SLC35D4: variants seen among roughly 807,000 people sequenced by gnomAD.
SLC35D4 encodes the protein solute carrier family 35 member D4.
chr18:23,437,933 AGCGGCAGCGGCAG>A, the SLC35D4 span: 5 of 1,443,488 alleles, frequency 3.5e-6, no homozygotes, highest in Non-Finnish European at 3.8e-6. Flanking sequence ...CAGCAGCAGC[AGCGGCAGCGGCAG>A]CAGCCGCCCA....
chr18:23,364,015 C>T, the SLC35D4 span, among the ~76,000 whole-genome samples: 2 of 152,258 alleles, frequency 1.3e-5, no homozygotes, highest in Non-Finnish European at 2.9e-5. Flanking sequence ...GTTATCCTTA[C>T]GAGACATGGA....
the SLC35D4 span, among the ~76,000 whole-genome samples, chr18:23,394,597 T>C: frequency 6.6e-6 from 1 of 152,220 alleles, no homozygotes; most frequent in Non-Finnish European, 1.5e-5. Context: ...CTGCTGCCTG[T>C]GCCTTTGGTG....
At chr18:23,340,738 G>C in the SLC35D4 span, among the ~76,000 whole-genome samples, 5 of 152,194 alleles carry the variant, frequency 3.3e-5, no homozygotes, top group Non-Finnish European at 7.3e-5. Context: ...TTTAAAGGAA[G>C]AAAGTGATCT....
At chr18:23,419,441 T>C in the SLC35D4 span, among the ~76,000 whole-genome samples, 1 of 152,076 alleles carries the variant, frequency 6.6e-6, no homozygotes. Flanking sequence ...TACAGGTATG[T>C]GCCACCACGC....
the SLC35D4 span, among the ~76,000 whole-genome samples, chr18:23,374,457 A>G: frequency 6.6e-6 from 1 of 151,906 alleles, no homozygotes; most frequent in Admixed American, 6.5e-5. Flanking sequence ...ACTGTTCTAG[A>G]TTAAAGGGTA....
the SLC35D4 span, among the ~76,000 whole-genome samples, chr18:23,370,433 G>A: frequency 1.3e-5 from 2 of 152,122 alleles, no homozygotes; most frequent in Non-Finnish European, 2.9e-5. Context: ...TCAACATTTG[G>A]AAGGCTTCAA....
chr18:23,349,696 T>A, the SLC35D4 span, among the ~76,000 whole-genome samples: 1 of 152,368 alleles, frequency 6.6e-6, no homozygotes, highest in East Asian at 1.9e-4. Flanking sequence ...TTGCTTTACC[T>A]TCTTATAAGT....
chr18:23,245,734 C>G, the SLC35D4 span, among the ~76,000 whole-genome samples: 3 of 152,346 alleles, frequency 2.0e-5, no homozygotes, highest in Non-Finnish European at 4.4e-5. Flanking sequence ...TTCCATCTGA[C>G]CTTCTCCTTT....
the SLC35D4 span, among the ~76,000 whole-genome samples, chr18:23,249,125 G>T: frequency 6.6e-6 from 1 of 152,246 alleles, no homozygotes; most frequent in African/African-American, 2.4e-5. Flanking sequence ...GAGCCTCTTG[G>T]CAGCAGAAAC....
At chr18:23,311,373 G>C in the SLC35D4 span, among the ~76,000 whole-genome samples, 1 of 150,142 alleles carries the variant, frequency 6.7e-6, no homozygotes, top group African/African-American at 2.5e-5. Flanking sequence ...AATTATAGGC[G>C]TGAGCCACCG....
chr18:23,411,500 AG>A, the SLC35D4 span, among the ~76,000 whole-genome samples: 1 of 139,438 alleles, frequency 7.2e-6, no homozygotes, highest in East Asian at 2.1e-4. Context: ...AAAGAAAGAA[AG>A]AAAGAAAGAA....
At chr18:23,404,706 C>T in the SLC35D4 span, among the ~76,000 whole-genome samples, 15 of 148,444 alleles carry the variant, frequency 1.0e-4, no homozygotes, top group Non-Finnish European at 1.3e-4. Flanking sequence ...AGGCCAGGCA[C>T]GGTGGCTCAC....
chr18:23,309,207 C>T, the SLC35D4 span, among the ~76,000 whole-genome samples: 1 of 142,120 alleles, frequency 7.0e-6, no homozygotes, highest in Admixed American at 7.2e-5. Flanking sequence ...GGATCTGGAA[C>T]CTGTTCATGC....
At chr18:23,428,335 C>T in the SLC35D4 span, among the ~76,000 whole-genome samples, 17 of 151,920 alleles carry the variant, frequency 1.1e-4, no homozygotes, top group Admixed American at 5.3e-4. Flanking sequence ...AAAAATTATA[C>T]GACAAAACAA....
chr18:23,351,366 C>T, the SLC35D4 span, among the ~76,000 whole-genome samples: 1 of 152,002 alleles, frequency 6.6e-6, no homozygotes, highest in African/African-American at 2.4e-5. Flanking sequence ...GAGATCATGC[C>T]ACTGCACTCC....
the SLC35D4 span, chr18:23,252,889 G>A: frequency 2.6e-5 from 27 of 1,020,674 alleles, no homozygotes; most frequent in African/African-American, 1.7e-4. Flanking sequence ...TAAGTTGGTC[G>A]TAGTTGGTGC....
the SLC35D4 span, among the ~76,000 whole-genome samples, chr18:23,273,975 C>T: frequency 6.6e-6 from 1 of 152,036 alleles, no homozygotes; most frequent in Non-Finnish European, 1.5e-5. Flanking sequence ...CTCTGTTACC[C>T]AGGCCAGAGT....
the SLC35D4 span, among the ~76,000 whole-genome samples, chr18:23,273,799 A>C: frequency 6.6e-6 from 1 of 152,162 alleles, no homozygotes; most frequent in Non-Finnish European, 1.5e-5. Context: ...TGATGGTCAT[A>C]AGGATAACAG....
the SLC35D4 span, among the ~76,000 whole-genome samples, chr18:23,411,100 G>A: frequency 7.9e-5 from 12 of 151,304 alleles, no homozygotes; most frequent in Non-Finnish European, 1.8e-4. Context: ...TCTGTGGTGT[G>A]CGGGCCTCTA....
Sources: allele counts gnomAD v4.1 joint callset (sites outside exome capture counted in the v4.1 genomes callset), GRCh38; gene constraint gnomAD v4.1.1; transcripts MANE v1.5; gene names NCBI Gene and HGNC (gene_info 2026-07-23, HGNC 2026-07-21).